Variants in CCN4 observed in about 807,000 individuals in gnomAD.
The protein encoded by CCN4 is CCN family member 4.
In CCN4, 30 loss-of-function variants were observed where a neutral mutation model predicts 36.7. The observed-to-expected ratio is 0.82, with a 90% confidence interval of 0.61 to 1.11. The LOEUF is 1.11. CCN4 is among the 50% of genes least tolerant of loss of function. The pLI is 0.00. For missense variants in CCN4, 505 were observed against 504.9 expected, an observed-to-expected ratio of 1.00 and a Z score of 0.00; for synonymous variants, 191 against 195.4, an observed-to-expected ratio of 0.98 and a Z score of 0.19.
Position 133,224,682 on chromosome 8 carries a change from C to T in CCN4, c.611-708C>T, listed in dbSNP as rs185991859. Among the ~76,000 whole-genome samples the T allele has an allele frequency of 2.6e-3, 402 of 152,204 alleles. 3 individuals are homozygous for T. The highest frequency in any genetic ancestry group is 9.1e-3 in the African/African-American group (378 of 41,546). On this transcript the variant is annotated intron_variant, in intron 3 of 4. Transcript: ENST00000250160. ...AGGCGTGGTGGCTTATGCCTGTAAT[C>T]CCAACACTTTGGAAGGCTGAGGCGG...
At chr8:133,195,596 G>A (rs994553010) in intron 1 of CCN4, among the ~76,000 whole-genome samples, 8 of 152,002 alleles carry the variant, frequency 5.3e-5, no homozygotes, top group Admixed American at 1.3e-4. Context: ...CCCTCCAGCC[G>A]ACAGCTTATC....
At chr8:133,227,085 A>C (rs1037707625) in intron 4 of CCN4, among the ~76,000 whole-genome samples, 1 of 152,198 alleles carries the variant, frequency 6.6e-6, no homozygotes, top group African/African-American at 2.4e-5. Flanking sequence ...TGGATGAAGG[A>C]GCTACATAGG....
intron 4 of CCN4, 30 bp from the exon 5 acceptor site, chr8:133,227,381 C>G (rs1258892385): frequency 1.3e-6 from 2 of 1,582,158 alleles, no homozygotes; most frequent in African/African-American, 2.7e-5. Flanking sequence ...TCTGAGCACT[C>G]CCACTGAAAG....
chr8:133,227,149 T>C (rs768299246), intron 4 of CCN4, among the ~76,000 whole-genome samples: 1 of 152,084 alleles, frequency 6.6e-6, no homozygotes, highest in Non-Finnish European at 1.5e-5. Context: ...AAGACAAAAA[T>C]GCAGGACAAA....
intron 4 of CCN4, among the ~76,000 whole-genome samples, chr8:133,226,134 T>G (rs1360577180): frequency 6.6e-6 from 1 of 152,238 alleles, no homozygotes; most frequent in Non-Finnish European, 1.5e-5. Flanking sequence ...CAAAGAAAAT[T>G]GGGCCACATT....
chr8:133,199,798 G>C (rs1240174950), intron 1 of CCN4, among the ~76,000 whole-genome samples: 1 of 152,102 alleles, frequency 6.6e-6, no homozygotes, highest in African/African-American at 2.4e-5. Context: ...GCAAACTTTG[G>C]CTCTTAGATG....
intron 3 of CCN4, among the ~76,000 whole-genome samples, chr8:133,223,940 G>A (rs1017180679): frequency 6.6e-6 from 1 of 152,166 alleles, no homozygotes; most frequent in Admixed American, 6.5e-5. Context: ...GCATCAATAG[G>A]AACATCCAAG....
rs368562535 is a variant in CCN4 at position 133,220,720 on chromosome 8, G to A, written c.489G>A (p.Pro163=). 8.9e-5 allele frequency: 143 copies of A among 1,613,656 alleles called. No individual in the cohort carries two copies. Among genetic ancestry groups the A allele is most frequent in the South Asian group, 3.1e-4 (28 of 91,078 alleles). Residue 163 remains proline, a synonymous_variant, in exon 3 of 5, where the codon CCG becomes CCA. Coordinates refer to ENST00000250160, the MANE Select transcript of CCN4 (RefSeq NM_003882.4). ...CTPLCLRVRP[P]RLWCPHPRRV... ...CACTGTGCCTCCGAGTGCGCCCCCCGCGTCTCTGGTGCCCCCACCCGCGGC... is the reference window on the plus strand; with the variant it reads ...CACTGTGCCTCCGAGTGCGCCCCCCACGTCTCTGGTGCCCCCACCCGCGGC...
chr8:133,210,915 T>C lies in CCN4; in HGVS notation c.70-1949T>C, dbSNP rs11997672. Among the ~76,000 whole-genome samples the C allele has an allele frequency of 9.9e-3, 1,508 of 152,352 alleles. 24 individuals carry two copies. Among genetic ancestry groups the C allele is most frequent in the African/African-American group, 0.034 (1,408 of 41,572 alleles). On this transcript the variant is annotated intron_variant, in intron 1 of 4. Coordinates refer to ENST00000250160, the MANE Select transcript of CCN4 (RefSeq NM_003882.4). ...GAAGGGCCTCTCAGCCACAGGGAAC[T>C]GCATCGCAGCGGCCTTGAGGTAGGG...
intron 1 of CCN4, among the ~76,000 whole-genome samples, chr8:133,198,624 A>G (rs1237209101): frequency 2.0e-5 from 3 of 152,126 alleles, no homozygotes; most frequent in Non-Finnish European, 4.4e-5. Flanking sequence ...TGCTTCTCTG[A>G]TTCATGAAAT....
intron 3 of CCN4, among the ~76,000 whole-genome samples, chr8:133,221,598 TG>T (rs1415765719): frequency 6.6e-6 from 1 of 150,962 alleles, no homozygotes; most frequent in East Asian, 2.0e-4. Context: ...AATAGATGGA[TG>T]GATAAATGGA....
At chr8:133,204,480 A>T (rs1853696170) in intron 1 of CCN4, among the ~76,000 whole-genome samples, 1 of 151,956 alleles carries the variant, frequency 6.6e-6, no homozygotes, top group Non-Finnish European at 1.5e-5. Flanking sequence ...CTATTTCTAT[A>T]AAAATTCCCA....
intron 3 of CCN4, among the ~76,000 whole-genome samples, chr8:133,221,064 T>A (rs1250057831): frequency 6.6e-6 from 1 of 152,194 alleles, no homozygotes; most frequent in African/African-American, 2.4e-5. Context: ...CAGCATAAAA[T>A]GAGGAGTGCT....
intron 2 of CCN4, among the ~76,000 whole-genome samples, chr8:133,219,238 A>C (rs1329415314): frequency 6.6e-6 from 1 of 152,162 alleles, no homozygotes; most frequent in Non-Finnish European, 1.5e-5. Flanking sequence ...TGAGCCTACA[A>C]GGAAGCCTTC....
chr8:133,222,354 C>T (rs1178961559), intron 3 of CCN4, among the ~76,000 whole-genome samples: 1 of 152,118 alleles, frequency 6.6e-6, no homozygotes, highest in Non-Finnish European at 1.5e-5. Flanking sequence ...GGATCAAATA[C>T]AAGAGAAGGA....
At chr8:133,193,870 A>C (rs1188138025) in intron 1 of CCN4, among the ~76,000 whole-genome samples, 1 of 152,158 alleles carries the variant, frequency 6.6e-6, no homozygotes, top group Non-Finnish European at 1.5e-5. Context: ...GACAGAGTTT[A>C]CTGGCTAGTG....
At chr8:133,221,862 TG>T (rs1854542660) in intron 3 of CCN4, among the ~76,000 whole-genome samples, 1 of 150,444 alleles carries the variant, frequency 6.6e-6, no homozygotes, top group African/African-American at 2.5e-5. Context: ...GATGATTGGA[TG>T]GATAGATGAT....
At chr8:133,195,613 G>C (rs1853351344) in intron 1 of CCN4, among the ~76,000 whole-genome samples, 1 of 152,130 alleles carries the variant, frequency 6.6e-6, no homozygotes, top group Non-Finnish European at 1.5e-5. Flanking sequence ...TATCTTGGAG[G>C]CTGGCACGAG....
At chr8:133,210,416 TGTGTG>T (rs1307780453) in intron 1 of CCN4, among the ~76,000 whole-genome samples, 31 of 131,584 alleles carry the variant, frequency 2.4e-4, no homozygotes, top group Non-Finnish European at 3.3e-4. Flanking sequence ...TGTGTGTGTG[TGTGTG>T]TTTACTGATT....
Sources: gnomAD v4.1 joint callset for allele counts (sites outside exome capture counted in the v4.1 genomes callset) on GRCh38, gnomAD v4.1.1 for gene constraint, MANE v1.5 for transcripts, NCBI Gene and HGNC (gene_info 2026-07-23, HGNC 2026-07-21) for gene names.